The following ATRNL1 variants were observed in gnomAD, a reference collection of about 807,000 sequenced individuals.
ATRNL1 encodes attractin like 1.
Under a neutral mutation model 182.7 loss-of-function variants are expected in ATRNL1, and 95 were observed. That is an observed-to-expected ratio of 0.52 (90% CI 0.44 to 0.62). The LOEUF (loss-of-function observed/expected upper bound fraction) is 0.62, where lower values mean the gene tolerates loss of function less well. ATRNL1 is among the 20% of genes least tolerant of loss of function. The pLI is 0.00. For missense variants in ATRNL1, 1,471 were observed against 1,679.5 expected (o/e 0.88, Z 2.17); for synonymous variants, 576 against 568.3 (o/e 1.01, Z -0.19).
chr10:115,139,997 A>G (rs1269265247), intron 5 of ATRNL1, among the ~76,000 whole-genome samples: 1 of 152,210 alleles, frequency 6.6e-6, no homozygotes, highest in African/African-American at 2.4e-5. Flanking sequence ...GATGAAGCCA[A>G]TGGAAAGTTT....
chr10:115,306,865 TA>T (rs1208009291), intron 17 of ATRNL1, among the ~76,000 whole-genome samples: 4 of 152,206 alleles, frequency 2.6e-5, no homozygotes, highest in African/African-American at 9.6e-5. Context: ...AAAATTGTTG[TA>T]ACTGATTTTT....
chr10:115,534,799 C>G (rs375351019), intron 25 of ATRNL1, among the ~76,000 whole-genome samples: 2,388 of 149,652 alleles, frequency 0.016, no homozygotes, highest in East Asian at 0.1. Context: ...TAGGGCAGGC[C>G]TGGTGGTGAC....
At chr10:115,318,749 A>AT (rs1487490111) in intron 18 of ATRNL1, among the ~76,000 whole-genome samples, 1 of 151,492 alleles carries the variant, frequency 6.6e-6, no homozygotes, top group Non-Finnish European at 1.5e-5. Context: ...CCCCTTTATC[A>AT]TTTTTTTATT....
At chr10:115,917,635 A>G (rs1952912160) in intron 28 of ATRNL1, among the ~76,000 whole-genome samples, 1 of 152,142 alleles carries the variant, frequency 6.6e-6, no homozygotes, top group Non-Finnish European at 1.5e-5. Context: ...TAAATGGATA[A>G]CATCCTTACC....
intron 26 of ATRNL1, among the ~76,000 whole-genome samples, chr10:115,550,360 A>G (rs922924686): frequency 1.3e-5 from 2 of 151,848 alleles, no homozygotes; most frequent in Non-Finnish European, 3.0e-5. Context: ...AAACAACAGT[A>G]TAATTGCTTA....
At chr10:115,931,361 C>T (rs748370870) in intron 28 of ATRNL1, among the ~76,000 whole-genome samples, 5 of 152,070 alleles carry the variant, frequency 3.3e-5, no homozygotes, top group African/African-American at 4.8e-5. Context: ...TTTAATGCCT[C>T]TAAAGTATAA....
At chr10:115,223,929 A>ATATATATATATATATATATT (rs1420143943) in intron 9 of ATRNL1, among the ~76,000 whole-genome samples, 26 of 44,730 alleles carry the variant, frequency 5.8e-4, no homozygotes, top group African/African-American at 2.2e-3. Context: ...ATATATATAT[A>ATATATATATATATATATATT]TTTTTTTTTT....
At chr10:115,412,885 C>A (rs1845211729) in intron 20 of ATRNL1, among the ~76,000 whole-genome samples, 1 of 151,928 alleles carries the variant, frequency 6.6e-6, no homozygotes, top group African/African-American at 2.4e-5. Flanking sequence ...ATATTGTTTT[C>A]TTCTTATGTT....
chr10:115,442,303 C>G lies in ATRNL1; in HGVS notation c.3322+16001C>G, dbSNP rs78211330. ...TCTCTCTCTCTCTCTCTCTCTCTCT[C>G]TGTGTGTATGTGTGTGTGTAAACAA... On this transcript the variant is annotated intron_variant, in intron 21 of 28. Transcript: ENST00000355044. Among the ~76,000 whole-genome samples the G allele has an allele frequency of 4.5e-3, 558 of 123,814 alleles. 10 individuals are homozygous for G. Among genetic ancestry groups the G allele is most frequent in the Non-Finnish European group, 6.5e-3 (375 of 57,940 alleles). 81.2% of individuals were successfully genotyped at this position (123,814 alleles called of 152,430 possible). A position where few individuals can be genotyped will look rare whatever the true frequency, so the allele number is the denominator to read the frequency against.
intron 9 of ATRNL1, among the ~76,000 whole-genome samples, chr10:115,218,582 T>C (rs115223457): frequency 0.012 from 1,786 of 152,262 alleles, 35 homozygotes; most frequent in African/African-American, 0.04. Context: ...TAATAGTTGT[T>C]CATGCACCAG....
chr10:115,618,866 G>A (rs555486296), intron 26 of ATRNL1, among the ~76,000 whole-genome samples: 1 of 152,172 alleles, frequency 6.6e-6, no homozygotes, highest in Non-Finnish European at 1.5e-5. Context: ...TGTTCCTTGG[G>A]TGATGCAATG....
chr10:115,129,596 C>A, intron 5 of ATRNL1, 61 bp downstream of exon 5: 1 of 1,375,982 alleles, frequency 7.3e-7, no homozygotes, highest in South Asian at 1.3e-5. Context: ...TAGATTAATA[C>A]AAATTCCACA....
chr10:115,244,875 G>T (rs782197570), intron 10 of ATRNL1, among the ~76,000 whole-genome samples: 1 of 152,090 alleles, frequency 6.6e-6, no homozygotes, highest in African/African-American at 2.4e-5. Context: ...GAGGATAACA[G>T]AAACATGAAA....
At chr10:115,203,278 C>T (rs916989460) in intron 8 of ATRNL1, among the ~76,000 whole-genome samples, 1 of 152,074 alleles carries the variant, frequency 6.6e-6, no homozygotes, top group Non-Finnish European at 1.5e-5. Flanking sequence ...AAACTTCAAA[C>T]CTAGAGCAGT....
chr10:115,391,945 ATAT>A (rs1276475593), intron 19 of ATRNL1, among the ~76,000 whole-genome samples: 3 of 152,168 alleles, frequency 2.0e-5, no homozygotes, highest in Non-Finnish European at 2.9e-5. Context: ...GGCAAGTTAA[ATAT>A]TATAAATGAT....
chr10:115,679,036 A>G (rs1402088598), intron 26 of ATRNL1, among the ~76,000 whole-genome samples: 8 of 152,134 alleles, frequency 5.3e-5, no homozygotes, highest in Non-Finnish European at 1.2e-4. Context: ...CATTTTGGAA[A>G]TCCACTGTGC....
intron 15 of ATRNL1, among the ~76,000 whole-genome samples, chr10:115,290,656 C>T (rs1852856711): frequency 6.6e-6 from 1 of 151,872 alleles, no homozygotes; most frequent in Admixed American, 6.6e-5. Context: ...AACTGCAGCC[C>T]CCCACCCCCG....
intron 26 of ATRNL1, among the ~76,000 whole-genome samples, chr10:115,598,746 G>C (rs748433881): frequency 1.4e-4 from 22 of 152,108 alleles, no homozygotes; most frequent in Non-Finnish European, 2.6e-4. Flanking sequence ...CTCTTAATAA[G>C]TTTCTTTAAT....
chr10:115,563,384 T>C (rs1313547229), intron 26 of ATRNL1, among the ~76,000 whole-genome samples: 3 of 152,212 alleles, frequency 2.0e-5, no homozygotes, highest in Non-Finnish European at 4.4e-5. Flanking sequence ...TAAAGAATTA[T>C]GCCATAATTT....
Sources: gnomAD v4.1 joint callset for allele counts (sites outside exome capture counted in the v4.1 genomes callset) on GRCh38, gnomAD v4.1.1 for gene constraint, MANE v1.5 for transcripts, NCBI Gene and HGNC (gene_info 2026-07-23, HGNC 2026-07-21) for gene names.